Variants in SUSD1 observed in about 807,000 individuals in gnomAD.
SUSD1 encodes the protein sushi domain containing 1, also known as sushi domain-containing protein 1.
Under a neutral mutation model 86.9 loss-of-function variants are expected in SUSD1, and 65 were observed. The observed-to-expected ratio is 0.75, with a 90% CI of 0.61 to 0.92. The LOEUF (loss-of-function observed/expected upper bound fraction) is 0.92. Ranked by LOEUF, SUSD1 falls within the 40% of genes least tolerant of loss-of-function variation. SUSD1 has a pLI of 0.00. For missense variants in SUSD1, 850 were observed against 929.7 expected, an observed-to-expected ratio of 0.91 and a Z score of 1.11; for synonymous variants, 346 against 350.0, an observed-to-expected ratio of 0.99 and a Z score of 0.13.
intron 1 of SUSD1, among the ~76,000 whole-genome samples, chr9:112,165,840 AAGAAAG>A (rs1833763377): frequency 7.1e-6 from 1 of 141,124 alleles, no homozygotes; most frequent in Admixed American, 7.3e-5. Flanking sequence ...AAGAGAAAGA[AAGAAAG>A]AGAAAGAGAA....
At chr9:112,135,454 A>C (rs1268294493) in intron 5 of SUSD1, among the ~76,000 whole-genome samples, 2 of 152,214 alleles carry the variant, frequency 1.3e-5, no homozygotes, top group Non-Finnish European at 2.9e-5. Context: ...GGTGTGTAAA[A>C]GCATGAATGT....
At chr9:112,048,441 C>T (rs1376081162) in intron 15 of SUSD1, among the ~76,000 whole-genome samples, 1 of 152,134 alleles carries the variant, frequency 6.6e-6, no homozygotes, top group African/African-American at 2.4e-5. Flanking sequence ...TACATACACA[C>T]TAGGTTTATA....
At chr9:112,058,282 C>T in intron 14 of SUSD1, 146 bp downstream of exon 14, 3 of 1,110,962 alleles carry the variant, frequency 2.7e-6, no homozygotes, top group Non-Finnish European at 2.5e-6. Flanking sequence ...CCTGTCCCTT[C>T]TTCATAAAGG....
chr9:112,157,888 A>G (rs770662398), intron 1 of SUSD1, among the ~76,000 whole-genome samples: 5 of 150,386 alleles, frequency 3.3e-5, no homozygotes, highest in Non-Finnish European at 5.9e-5. Context: ...CAGTGGTACA[A>G]TCACAGCTCG....
chr9:112,112,713 C>A, intron 7 of SUSD1, 58 bp downstream of exon 7: 1 of 1,161,604 alleles, frequency 8.6e-7, no homozygotes, highest in Non-Finnish European at 1.3e-6. Context: ...CCCTCTGACT[C>A]ATATTCCCAT....
At chr9:112,159,765 A>G (rs2131828562) in intron 1 of SUSD1, among the ~76,000 whole-genome samples, 1 of 152,356 alleles carries the variant, frequency 6.6e-6, no homozygotes, top group South Asian at 2.1e-4. Flanking sequence ...CCTTAAGAGT[A>G]TACTTTTATA....
At chr9:112,097,944 T>A (rs928782969) in intron 10 of SUSD1, among the ~76,000 whole-genome samples, 4 of 152,172 alleles carry the variant, frequency 2.6e-5, no homozygotes, top group Admixed American at 6.5e-5. Context: ...GTGGAGTTAA[T>A]ACAGCTGGCA....
chr9:112,148,677 G>A (rs552455720), intron 3 of SUSD1, among the ~76,000 whole-genome samples: 12 of 152,146 alleles, frequency 7.9e-5, no homozygotes, highest in East Asian at 3.9e-4. Flanking sequence ...AGGCCGAGGC[G>A]GGCAGATCAC....
At position 112,044,035 on chromosome 9, in the gene SUSD1, G is replaced by C. The variant is rs545027702; in HGVS notation, c.2150-2075C>G. 4.6e-5 allele frequency among the ~76,000 whole-genome samples: 7 copies of C among 152,182 alleles called. No individual in the cohort carries two copies. In the South Asian group the frequency reaches 1.5e-3, roughly 32 times the overall value. On this transcript the variant is annotated intron_variant, in intron 15 of 16. Transcript: ENST00000374270. ...GGCTGGTCTCGAACTCTTGACCTCA[G>C]GCGATCTGCCCATCTTGGCCTCCCA...
chr9:112,104,511 C>T (rs1830756765), intron 8 of SUSD1, among the ~76,000 whole-genome samples: 1 of 152,110 alleles, frequency 6.6e-6, no homozygotes, highest in African/African-American at 2.4e-5. Context: ...TGGCAGAGAG[C>T]CTGGGTTGAC....
Position 112,170,710 on chromosome 9 carries a change from T to TAGAGAGAGAGAGAG in SUSD1, c.103+4409_103+4422dup, listed in dbSNP as rs1554778939. 1.2e-3 allele frequency among the ~76,000 whole-genome samples: 139 copies of TAGAGAGAGAGAGAG among 113,822 alleles called. 1 individual carries two copies. The highest frequency in any genetic ancestry group is 5.6e-3 in the East Asian group (23 of 4,104). 74.7% of individuals were successfully genotyped at this position (113,822 alleles called of 152,430 possible). On this transcript the variant is annotated intron_variant, in intron 1 of 16. Transcript: ENST00000374270. Reference sequence around the variant, plus strand: ...GCCAGATCATATATATATATATATATAGAGAGAGAGAGAGAGAGAGAGAGA... The same window carrying TAGAGAGAGAGAGAG: ...GCCAGATCATATATATATATATATATAGAGAGAGAGAGAGAGAGAGAGAGAGAGAGAGAGAGAGA...
chr9:112,049,625 C>A (rs370073431), intron 15 of SUSD1, among the ~76,000 whole-genome samples: 1 of 152,200 alleles, frequency 6.6e-6, no homozygotes, highest in Non-Finnish European at 1.5e-5. Context: ...CACGAGTGAA[C>A]TGGCACGATT....
At chr9:112,070,060 CA>C (rs552811595) in intron 12 of SUSD1, among the ~76,000 whole-genome samples, 63 of 152,306 alleles carry the variant, frequency 4.1e-4, no homozygotes, top group Admixed American at 3.5e-3. Context: ...GGCTGGAGTG[CA>C]ATGGTGTGAT....
intron 2 of SUSD1, among the ~76,000 whole-genome samples, chr9:112,151,840 C>T (rs149232798): frequency 0.014 from 2,187 of 151,592 alleles, 54 homozygotes; most frequent in East Asian, 0.093. Context: ...GAGTTCAAGA[C>T]CAGCCTCAAC....
chr9:112,066,927 G>A (rs1425959119), intron 12 of SUSD1, among the ~76,000 whole-genome samples: 1 of 152,194 alleles, frequency 6.6e-6, no homozygotes, highest in Non-Finnish European at 1.5e-5. Context: ...CCAGGCTGGA[G>A]TACAGTGGCA....
intron 1 of SUSD1, among the ~76,000 whole-genome samples, chr9:112,165,923 A>AAGAAAGAAAGAAAG (rs1554777758): frequency 4.0e-5 from 4 of 99,218 alleles, no homozygotes; most frequent in East Asian, 5.8e-4. Context: ...GGAAGAAAGA[A>AAGAAAGAAAGAAAG]AAGAAAGAAA....
Position 112,124,303 on chromosome 9 carries a change from A to T in SUSD1, c.840T>A (p.Val280=). Residue 280 remains valine (V), a synonymous_variant, in exon 6 of 17, where the codon GTT becomes GTA. Transcript: ENST00000374270. ...CTCTCCAGGTGCCTTTCTCTGTGCA[A>T]ACAGAAGTGATCTTTCCTCCAGGGC... ...FESPGGKITS[V]CTEKGTWRES... 4 of 1,614,100 alleles carry T rather than the reference A, an allele frequency of 2.5e-6. No homozygotes were observed. The highest frequency in any genetic ancestry group is 3.4e-6 in the Non-Finnish European group (4 of 1,179,964).
chr9:112,055,607 A>C (rs1468450924), intron 14 of SUSD1, among the ~76,000 whole-genome samples: 1 of 152,240 alleles, frequency 6.6e-6, no homozygotes, highest in African/African-American at 2.4e-5. Flanking sequence ...GTAGTTCCTC[A>C]AAAAATTAAA....
chr9:112,054,122 C>T (rs1441381799), intron 14 of SUSD1, among the ~76,000 whole-genome samples: 1 of 152,154 alleles, frequency 6.6e-6, no homozygotes, highest in Non-Finnish European at 1.5e-5. Context: ...GACTCACACT[C>T]CCTGATTTCA....
Sources: gnomAD v4.1 joint callset for allele counts (sites outside exome capture counted in the v4.1 genomes callset) on GRCh38, gnomAD v4.1.1 for gene constraint, MANE v1.5 for transcripts, NCBI Gene and HGNC (gene_info 2026-07-23, HGNC 2026-07-21) for gene names.